Variants in NR3C2 observed in about 807,000 individuals in gnomAD.
The protein encoded by NR3C2 is mineralocorticoid receptor.
A neutral mutation model predicts 86.4 loss-of-function variants in NR3C2; 15 were observed. The ratio of observed to expected loss-of-function variants is 0.17; its 90% CI spans 0.12 to 0.27. The LOEUF (loss-of-function observed/expected upper bound fraction) is 0.27, where lower values mean the gene tolerates loss of function less well. NR3C2 is among the 10% of genes least tolerant of loss of function. The pLI is 1.00. For missense variants in NR3C2, 960 were observed against 1,195.6 expected (o/e 0.80, Z 2.91); for synonymous variants, 458 against 450.5 (o/e 1.02, Z -0.21).
At chr4:148,180,110 T>C (rs1735573617) in intron 4 of NR3C2, among the ~76,000 whole-genome samples, 1 of 151,838 alleles carries the variant, frequency 6.6e-6, no homozygotes, top group African/African-American at 2.4e-5. Flanking sequence ...AAATTGTTTC[T>C]CTTATTGGAT....
intron 2 of NR3C2, among the ~76,000 whole-genome samples, chr4:148,338,772 A>C (rs1307069652): frequency 6.6e-6 from 1 of 152,188 alleles, no homozygotes; most frequent in African/African-American, 2.4e-5. Context: ...TGATCCTTCC[A>C]TCCTCCCAAT....
intron 2 of NR3C2, among the ~76,000 whole-genome samples, chr4:148,320,609 G>C (rs1040869678): frequency 2.0e-5 from 3 of 149,982 alleles, no homozygotes; most frequent in Non-Finnish European, 4.4e-5. Context: ...TCTTGGGAGA[G>C]TGTATGTGTC....
At chr4:148,236,196 A>T (rs1162801007) in intron 3 of NR3C2, among the ~76,000 whole-genome samples, 1 of 152,192 alleles carries the variant, frequency 6.6e-6, no homozygotes, top group Admixed American at 6.5e-5. Flanking sequence ...CTCTTAGCTA[A>T]ACTGATTTTT....
chr4:148,256,966 A>T (rs59896839), intron 3 of NR3C2, among the ~76,000 whole-genome samples: 32,718 of 152,120 alleles, frequency 0.22, 3,627 homozygotes, highest in Admixed American at 0.29. Context: ...CTATGCTATT[A>T]TAGCAAGCTT....
intron 3 of NR3C2, among the ~76,000 whole-genome samples, chr4:148,236,522 TACTCTTAC>T (rs1738758379): frequency 6.6e-6 from 1 of 152,066 alleles, no homozygotes; most frequent in South Asian, 2.1e-4. Flanking sequence ...TAGCAACTGA[TACTCTTAC>T]ACTTAAAAAA....
intron 6 of NR3C2, among the ~76,000 whole-genome samples, chr4:148,130,080 G>A (rs183199181): frequency 1.6e-4 from 24 of 152,050 alleles, no homozygotes; most frequent in Admixed American, 1.5e-3. Context: ...TGTTTTTATT[G>A]CAAGCTATGC....
chr4:148,420,932 C>A (rs1237282206), intron 2 of NR3C2, among the ~76,000 whole-genome samples: 3 of 152,190 alleles, frequency 2.0e-5, no homozygotes, highest in Non-Finnish European at 4.4e-5. Flanking sequence ...CGAGCAGATG[C>A]CTCCATGCTT....
intron 3 of NR3C2, among the ~76,000 whole-genome samples, chr4:148,225,930 G>A (rs74353937): frequency 0.033 from 5,044 of 152,088 alleles, 92 homozygotes; most frequent in Middle Eastern, 0.1. Context: ...TCTTTACACA[G>A]AAGTTTACTT....
chr4:148,263,988 G>A (rs1357692150), intron 2 of NR3C2, among the ~76,000 whole-genome samples: 1 of 152,096 alleles, frequency 6.6e-6, no homozygotes, highest in African/African-American at 2.4e-5. Context: ...GCCCAGTGTT[G>A]GTACTATTTA....
chr4:148,283,700 A>G (rs999406833), intron 2 of NR3C2, among the ~76,000 whole-genome samples: 1 of 152,244 alleles, frequency 6.6e-6, no homozygotes, highest in Admixed American at 6.5e-5. Flanking sequence ...AAAAGTGCTA[A>G]AAATTATGCA....
chr4:148,167,507 C>T (rs1298786722), intron 4 of NR3C2, among the ~76,000 whole-genome samples: 1 of 152,140 alleles, frequency 6.6e-6, no homozygotes, highest in Non-Finnish European at 1.5e-5. Flanking sequence ...TCTCCCTTCA[C>T]AGATATGATC....
intron 2 of NR3C2, among the ~76,000 whole-genome samples, chr4:148,260,789 C>A (rs1205135975): frequency 6.6e-6 from 1 of 152,112 alleles, no homozygotes; most frequent in African/African-American, 2.4e-5. Context: ...AACTGAAGGG[C>A]TCTCTGGGAA....
chr4:148,391,008 T>G (rs1747519892), intron 2 of NR3C2, among the ~76,000 whole-genome samples: 1 of 152,224 alleles, frequency 6.6e-6, no homozygotes, highest in South Asian at 2.1e-4. Context: ...AACACTGTAA[T>G]TGTCTCTCAA....
chr4:148,400,338 G>A (rs1748081851), intron 2 of NR3C2, among the ~76,000 whole-genome samples: 1 of 152,158 alleles, frequency 6.6e-6, no homozygotes, highest in Non-Finnish European at 1.5e-5. Context: ...TTGTGGCTTG[G>A]GAAGTAGACA....
At chr4:148,115,046 G>C (rs1732211535) in intron 7 of NR3C2, among the ~76,000 whole-genome samples, 1 of 152,102 alleles carries the variant, frequency 6.6e-6, no homozygotes, top group Non-Finnish European at 1.5e-5. Context: ...CGTGTGAGGG[G>C]GGAACAACAA....
chr4:148,103,190 T>C (rs908925838), intron 8 of NR3C2, among the ~76,000 whole-genome samples: 8 of 152,216 alleles, frequency 5.3e-5, no homozygotes. Context: ...GCCCCTTCTC[T>C]ACCCTGCCAC....
At chr4:148,253,231 C>T (rs73855935) in intron 3 of NR3C2, among the ~76,000 whole-genome samples, 6,607 of 152,292 alleles carry the variant, frequency 0.043, 459 homozygotes, top group African/African-American at 0.15. Flanking sequence ...TGCCTCTGCA[C>T]TGGTTTGCAA....
At chr4:148,100,063 C>T (rs1731465866) in intron 8 of NR3C2, among the ~76,000 whole-genome samples, 1 of 152,154 alleles carries the variant, frequency 6.6e-6, no homozygotes, top group Admixed American at 6.5e-5. Flanking sequence ...AACACAGGCA[C>T]ATGTTCTATG....
intron 2 of NR3C2, among the ~76,000 whole-genome samples, chr4:148,404,496 G>GT (rs1560713452): frequency 6.6e-6 from 1 of 151,986 alleles, no homozygotes; most frequent in African/African-American, 2.4e-5. Flanking sequence ...GCAGGGACAC[G>GT]TTATCTGTGC....
Sources: gnomAD v4.1 joint callset for allele counts (sites outside exome capture counted in the v4.1 genomes callset) on GRCh38, gnomAD v4.1.1 for gene constraint, MANE v1.5 for transcripts, NCBI Gene and HGNC (gene_info 2026-07-23, HGNC 2026-07-21) for gene names.